The following RGS6 variants were observed in gnomAD, a reference collection of about 807,000 sequenced individuals.
The protein encoded by RGS6 is regulator of G-protein signaling 6.
In RGS6, 30 loss-of-function variants were observed where a neutral mutation model predicts 78.5. The ratio of observed to expected loss-of-function variants is 0.38; its 90% CI spans 0.29 to 0.52. RGS6 has a LOEUF of 0.52. RGS6 is among the 20% of genes least tolerant of loss of function. RGS6 has a pLI of 0.85. For missense variants in RGS6, 495 were observed against 609.7 expected (o/e 0.81, Z 1.98); for synonymous variants, 206 against 206.0 (o/e 1.00, Z 0.00).
chr14:72,031,860 G>A (rs1171060056), intron 2 of RGS6, among the ~76,000 whole-genome samples: 2 of 152,248 alleles, frequency 1.3e-5, no homozygotes, highest in South Asian at 2.1e-4. Context: ...TTAAATGATT[G>A]GGATAATACT....
At chr14:72,077,386 T>C (rs2094618301) in intron 2 of RGS6, among the ~76,000 whole-genome samples, 1 of 152,222 alleles carries the variant, frequency 6.6e-6, no homozygotes, top group Non-Finnish European at 1.5e-5. Flanking sequence ...TCTATTAGTC[T>C]TTTAACCTTT....
intron 2 of RGS6, among the ~76,000 whole-genome samples, chr14:72,108,119 A>G (rs1316422877): frequency 6.6e-6 from 1 of 152,172 alleles, no homozygotes; most frequent in East Asian, 1.9e-4. Context: ...CGCCTTAGGA[A>G]GAAGTTATGG....
At chr14:72,601,506 G>A in the RGS6 span, among the ~76,000 whole-genome samples, 1 of 152,210 alleles carries the variant, frequency 6.6e-6, no homozygotes, top group Non-Finnish European at 1.5e-5. Flanking sequence ...GAGGAAATAA[G>A]TTCTGCTGTT....
chr14:72,395,777 G>A (rs966302125), intron 3 of RGS6, among the ~76,000 whole-genome samples: 10 of 151,846 alleles, frequency 6.6e-5, no homozygotes, highest in African/African-American at 2.4e-4. Flanking sequence ...GTGAGAACAT[G>A]TGGTGTTTGG....
intron 13 of RGS6, among the ~76,000 whole-genome samples, chr14:72,498,285 C>T (rs765475779): frequency 1.4e-4 from 21 of 152,050 alleles, no homozygotes; most frequent in South Asian, 2.1e-4. Flanking sequence ...CTATTTCTGC[C>T]GCTTAGTTTT....
chr14:71,883,453 C>T, the RGS6 span, among the ~76,000 whole-genome samples: 2 of 152,212 alleles, frequency 1.3e-5, no homozygotes, highest in African/African-American at 2.4e-5. Flanking sequence ...TCTACAGCTC[C>T]AGCTCCAAAT....
At chr14:72,333,453 T>A (rs186874188) in intron 2 of RGS6, among the ~76,000 whole-genome samples, 54 of 152,252 alleles carry the variant, frequency 3.5e-4, no homozygotes, top group Non-Finnish European at 1.2e-4. Context: ...ATGGAGATCC[T>A]TGTCAGGCCT....
intron 17 of RGS6, among the ~76,000 whole-genome samples, chr14:72,546,894 C>T (rs941816911): frequency 2.6e-5 from 4 of 152,346 alleles, no homozygotes; most frequent in Non-Finnish European, 4.4e-5. Context: ...TGCAGGCCTT[C>T]GCCATGACAG....
intron 3 of RGS6, among the ~76,000 whole-genome samples, chr14:72,422,262 A>G (rs2094224705): frequency 6.6e-6 from 1 of 152,238 alleles, no homozygotes; most frequent in Non-Finnish European, 1.5e-5. Flanking sequence ...CAGCAGCATG[A>G]AAATGGACTA....
chr14:72,220,602 C>G (rs2046643914), intron 2 of RGS6, among the ~76,000 whole-genome samples: 1 of 152,106 alleles, frequency 6.6e-6, no homozygotes, highest in Non-Finnish European at 1.5e-5. Context: ...GTGGCTGCTT[C>G]CGTATAGTAT....
At chr14:72,099,619 G>A (rs188902207) in intron 2 of RGS6, among the ~76,000 whole-genome samples, 43 of 152,292 alleles carry the variant, frequency 2.8e-4, no homozygotes, top group African/African-American at 1.0e-3. Context: ...TGAGCTCTCA[G>A]ATAGAAACAC....
At chr14:72,229,449 G>A (rs1183502497) in intron 2 of RGS6, among the ~76,000 whole-genome samples, 1 of 152,006 alleles carries the variant, frequency 6.6e-6, no homozygotes, top group African/African-American at 2.4e-5. Context: ...TTCCCATTGT[G>A]GGCTGGTACT....
At chr14:72,492,554 C>T (rs1410105529) in intron 12 of RGS6, among the ~76,000 whole-genome samples, 3 of 152,046 alleles carry the variant, frequency 2.0e-5, no homozygotes, top group African/African-American at 4.8e-5. Context: ...TGACTTACGT[C>T]GGGGGAGAAA....
intron 2 of RGS6, among the ~76,000 whole-genome samples, chr14:72,265,303 A>G (rs1430141920): frequency 6.6e-6 from 1 of 152,176 alleles, no homozygotes; most frequent in Admixed American, 6.5e-5. Flanking sequence ...TCTGTGGCCA[A>G]TGCGGCATTT....
intron 13 of RGS6, among the ~76,000 whole-genome samples, chr14:72,504,195 C>T (rs2096766660): frequency 6.6e-6 from 1 of 152,172 alleles, no homozygotes; most frequent in South Asian, 2.1e-4. Context: ...CTCATCCATA[C>T]TAATATACTT....
the RGS6 span, among the ~76,000 whole-genome samples, chr14:72,609,234 C>T: frequency 6.6e-6 from 1 of 152,148 alleles, no homozygotes; most frequent in Admixed American, 6.6e-5. Context: ...GAAGGCTGCT[C>T]GATCCCCACA....
the RGS6 span, among the ~76,000 whole-genome samples, chr14:71,895,019 C>T: frequency 1.3e-5 from 2 of 151,978 alleles, no homozygotes; most frequent in African/African-American, 2.4e-5. Flanking sequence ...CTGCCTAGGC[C>T]TCCCAAAGTG....
intron 1 of RGS6, among the ~76,000 whole-genome samples, chr14:71,935,382 C>G (rs150491540): frequency 6.1e-4 from 93 of 152,174 alleles, no homozygotes; most frequent in Admixed American, 1.1e-3. Flanking sequence ...TTATTCTAGT[C>G]AATTATTTCT....
chr14:72,465,602 T>TGGG (rs1566914149), intron 6 of RGS6, among the ~76,000 whole-genome samples, 156 bp from the exon 7 acceptor site: 2 of 99,396 alleles, frequency 2.0e-5, no homozygotes, highest in Non-Finnish European at 4.3e-5. Flanking sequence ...GGATGGATGG[T>TGGG]TGGGTGGATG....
Sources: gnomAD v4.1 joint callset for allele counts (sites outside exome capture counted in the v4.1 genomes callset) on GRCh38, gnomAD v4.1.1 for gene constraint, MANE v1.5 for transcripts, NCBI Gene and HGNC (gene_info 2026-07-23, HGNC 2026-07-21) for gene names.